Variants in TTN observed in about 807,000 individuals in gnomAD.
TTN encodes the protein titin.
TTN carries 1,525 observed loss-of-function variants against 3,223.0 expected under a neutral mutation model. That is an observed-to-expected ratio of 0.47 (90% CI 0.45 to 0.49). The LOEUF (loss-of-function observed/expected upper bound fraction) is 0.49. TTN is among the 20% of genes least tolerant of loss of function. The pLI is 0.00. For synonymous variants in TTN, 14,094 were observed against 15,161.0 expected (o/e 0.93, Z 5.17); for missense variants, 40,786 against 43,424.0 (o/e 0.94, Z 5.40).
Position 178,733,072 on chromosome 2 carries a change from A to C in TTN, c.16104T>G (p.Ser5368Arg). 6.2e-7 allele frequency: 1 copy of C among 1,609,676 alleles called. No individual in the cohort carries two copies. Among genetic ancestry groups the C allele is most frequent in the Non-Finnish European group, 8.5e-7 (1 of 1,177,294 alleles). Residue 5368 changes from serine (S) to arginine (R), a missense_variant, in exon 55 of 363, where the codon AGT (serine) becomes AGG (arginine). Transcript: ENST00000589042. ...CCAGTCTGCAGGTACCATTAACAAC[A>C]CTATCCACGTTGCGCAAGGGTTTGG... ...FFTKPLRNVD[S>R]VVNGTCRLDC...
In TTN at chr2:178,711,369, G is replaced by A; in HGVS notation, c.27887-20C>T. The A allele has an allele frequency of 6.5e-7, 1 of 1,549,530 alleles. No homozygotes were observed. The highest frequency in any genetic ancestry group is 8.7e-7 in the Non-Finnish European group (1 of 1,148,798). On this transcript the variant is annotated intron_variant, in intron 96 of 362. Transcript: ENST00000589042. ...TTTGCTCTGTAGGAACAGAATAAAA[G>A]TAACAAATACTTTAATTTACTAAAT... is the stretch of plus-strand genomic sequence containing the variant.
At position 178,613,014 on chromosome 2, in the gene TTN, C is replaced by T. The variant is rs879180534; in HGVS notation, c.49707G>A (p.Arg16569=). Residue 16569 remains arginine, a synonymous_variant, in exon 265 of 363, where the codon AGG becomes AGA. Transcript: ENST00000589042. The part of the protein sequence containing the change: ...TVKDVGKTSV[R]LNWTKPEHDG... Reference sequence around the variant, plus strand: ...CATGTTCTGGTTTTGTCCAATTCAACCTTACTGATGTTTTGCCTACATCTT... The same window carrying T: ...CATGTTCTGGTTTTGTCCAATTCAATCTTACTGATGTTTTGCCTACATCTT... The T allele has an allele frequency of 1.9e-6, 3 of 1,612,794 alleles. No individual in the cohort carries two copies. The highest frequency in any genetic ancestry group is 1.7e-5 in the Admixed American group (1 of 59,932).
At position 178,663,871 on chromosome 2, in the gene TTN, T is replaced by A; in HGVS notation, c.36396A>T (p.Glu12132Asp). The A allele has an allele frequency of 5.0e-6, 8 of 1,613,456 alleles. No individual in the cohort carries two copies. The highest frequency in any genetic ancestry group is 6.8e-6 in the Non-Finnish European group (8 of 1,179,818). ...VPEASKEVIR[E>D]EKVPLAPPKE... is the part of the protein sequence containing the mutation. ...TAGGAGGAGCCAAGGGCACTTTCTC[T>A]TCGCGGATAACCTCTTTGGAAGCTT... Residue 12132 changes from glutamate to aspartate, a missense_variant, in exon 170 of 363, where the codon GAA becomes GAT. By Grantham distance (45) the Glu-to-Asp change is conservative (BLOSUM62 2). Coordinates refer to ENST00000589042, the MANE Select transcript of TTN (RefSeq NM_001267550.2).
intron 210 of TTN, 81 bp from the exon 211 acceptor site, chr2:178,649,975 A>T: frequency 6.7e-7 from 1 of 1,501,542 alleles, no homozygotes; most frequent in South Asian, 1.2e-5. Context: ...AAAACCACAC[A>T]TATTTCTTGG....
At chr2:178,796,990 C>G (rs2093802990) in intron 6 of TTN, among the ~76,000 whole-genome samples, 1 of 152,154 alleles carries the variant, frequency 6.6e-6, no homozygotes, top group South Asian at 2.1e-4. Context: ...ATTATTTTCT[C>G]TGCAAATTGG....
At chr2:178,734,036 T>C in intron 52 of TTN, 144 bp from the exon 53 acceptor site, 1 of 922,452 alleles carries the variant, frequency 1.1e-6, no homozygotes, top group African/African-American at 1.7e-5. Context: ...GAAATAAAAG[T>C]TAAGAATAAT....
chr2:178,607,921 C>G lies in TTN; in HGVS notation c.52866G>C (p.Lys17622Asn). The G allele has an allele frequency of 1.2e-6, 2 of 1,613,046 alleles. No homozygotes were observed. Among genetic ancestry groups the G allele is most frequent in the Non-Finnish European group, 1.7e-6 (2 of 1,179,324 alleles). The change falls in exon 276 of 363, where the codon AAG becomes AAC. Residue 17622 changes from lysine (K) to asparagine (N), a missense_variant. Coordinates refer to ENST00000589042, the MANE Select transcript of TTN (RefSeq NM_001267550.2). ...CGGTGTACTGACGGACCTTGATCAT[C>G]TTCTCTGTGCAGCGTGACCATTCAT... Reference protein sequence around the residue: ...GTNEWSRCTEKMIKVRQYTVK... With the variant: ...GTNEWSRCTENMIKVRQYTVK...
intron 6 of TTN, among the ~76,000 whole-genome samples, chr2:178,796,445 TACA>T (rs1316902487): frequency 6.6e-6 from 1 of 152,198 alleles, no homozygotes; most frequent in Non-Finnish European, 1.5e-5. Context: ...AACAGTACAT[TACA>T]ACATTAACCA....
rs766920298 is a variant in TTN at position 178,569,281 on chromosome 2, T to C, written c.76851A>G (p.Ser25617=). 1 of 1,609,498 alleles carries C rather than the reference T, an allele frequency of 6.2e-7. No individual in the cohort carries two copies. The highest frequency in any genetic ancestry group is 8.5e-7 in the Non-Finnish European group (1 of 1,177,344). ...NLKVTEITKD[S]VSITWEPPLL... ...AAGGAGGTTCCCATGTAATTGATAC[T>C]GAGTCTTTGGTGATTTCTGTGACTT... Residue 25617 remains serine (S), a synonymous_variant, in exon 326 of 363, where the codon TCA becomes TCG. Transcript: ENST00000589042.
At chr2:178,637,443 A>T in intron 223 of TTN, 24 bp from the exon 224 acceptor site, 3 of 1,450,194 alleles carry the variant, frequency 2.1e-6, no homozygotes, top group Non-Finnish European at 2.7e-6. Context: ...AAAACTCAGC[A>T]TTTAAACACT....
intron 3 of TTN, 152 bp downstream of exon 3, chr2:178,801,986 A>T: frequency 1.1e-6 from 1 of 937,030 alleles, no homozygotes. Flanking sequence ...AAGGCAAACA[A>T]CTTGGTTATA....
intron 218 of TTN, among the ~76,000 whole-genome samples, chr2:178,643,082 T>A (rs374896574): frequency 2.0e-5 from 3 of 152,096 alleles, no homozygotes; most frequent in East Asian, 1.9e-4. Context: ...TAGATTTGAA[T>A]GGTGAAAGAA....
chr2:178,663,544 T>G (rs1422760148), intron 171 of TTN, 28 bp from the exon 172 acceptor site: 4 of 1,613,516 alleles, frequency 2.5e-6, no homozygotes, highest in Non-Finnish European at 3.4e-6. Context: ...AAATTACATT[T>G]AGGCATTATG....
chr2:178,788,635 T>C (rs762591565), intron 13 of TTN, among the ~76,000 whole-genome samples: 14 of 152,076 alleles, frequency 9.2e-5, no homozygotes, highest in Non-Finnish European at 1.9e-4. Flanking sequence ...ATATTAGCAA[T>C]AAAGAATACA....
Position 178,773,921 on chromosome 2 carries a change from T to C in TTN, c.7247A>G (p.Asp2416Gly), listed in dbSNP as rs780102382. 2.5e-6 allele frequency: 4 copies of C among 1,614,150 alleles called. No homozygotes were observed. Among genetic ancestry groups the C allele is most frequent in the Non-Finnish European group, 3.4e-6 (4 of 1,179,984 alleles). Residue 2416 changes from aspartate (D) to glycine (G), a missense_variant, in exon 31 of 363, where the codon GAC becomes GGC. Physicochemically the swap from Asp to Gly is moderately conservative, Grantham distance 94. Transcript: ENST00000589042. Reference protein sequence around the residue: ...DKQSHMLLIEDMTKEDAGNYS... With the variant: ...DKQSHMLLIEGMTKEDAGNYS... ...ATTTCCAGCATCTTCCTTAGTCATG[T>C]CTTCAATGAGCAGCATATGAGATTG...
intron 47 of TTN, chr2:178,750,336 AT>A (rs1243457649): frequency 1.2e-6 from 2 of 1,613,098 alleles, no homozygotes; most frequent in Non-Finnish European, 1.7e-6. Context: ...ACTGTTCCAT[AT>A]TGGTTAAATA....
rs558880332 is a variant in TTN at position 178,632,481 on chromosome 2, C to CA, written c.43480+44dup. ...TAAAGAAGAAATATAAAACTAAAGGCAAAAAAAATGATTTTGGGGTGGACT... is the reference window on the plus strand; with the variant it reads ...TAAAGAAGAAATATAAAACTAAAGGCAAAAAAAAATGATTTTGGGGTGGACT... On this transcript the variant is annotated intron_variant, in intron 235 of 362. Coordinates refer to ENST00000589042, the MANE Select transcript of TTN (RefSeq NM_001267550.2). 3.2e-4 allele frequency: 506 copies of CA among 1,587,730 alleles called. 1 individual carries two copies. The highest frequency in any genetic ancestry group is 1.9e-3 in the Admixed American group (101 of 52,238).
At chr2:178,791,987 A>G (rs2093529419) in intron 10 of TTN, 85 bp downstream of exon 10, 6 of 1,432,556 alleles carry the variant, frequency 4.2e-6, no homozygotes, top group South Asian at 1.2e-5. Flanking sequence ...TTCTCCATTT[A>G]AGGGTTTTGA....
Position 178,547,916 on chromosome 2 carries a change from A to G in TTN, c.93710T>C (p.Val31237Ala). 6.2e-7 allele frequency: 1 copy of G among 1,613,836 alleles called. No homozygotes were observed. Residue 31237 changes from valine (V) to alanine (A), a missense_variant, in exon 339 of 363, where the codon GTA becomes GCA. Val to Ala is a moderately conservative substitution (Grantham distance 64, BLOSUM62 0). Coordinates refer to ENST00000589042, the MANE Select transcript of TTN (RefSeq NM_001267550.2). Reference protein sequence around the residue: ...CKAGSPFTIDVPISGRPAPKV... With the variant: ...CKAGSPFTIDAPISGRPAPKV... The stretch of plus-strand genomic sequence containing the variant: ...GGGGGCAGGACGACCACTGATTGGT[A>G]CGTCAATGGTAAATGGGCTTCCTGC...
Sources: allele counts gnomAD v4.1 joint callset (sites outside exome capture counted in the v4.1 genomes callset), GRCh38; gene constraint gnomAD v4.1.1; transcripts MANE v1.5; gene names NCBI Gene and HGNC (gene_info 2026-07-23, HGNC 2026-07-21).